The following LPP variants were observed in gnomAD, a reference collection of about 807,000 sequenced individuals.
LPP encodes lipoma-preferred partner.
LPP carries 38 observed loss-of-function variants against 60.4 expected under a neutral mutation model. That is an observed-to-expected ratio of 0.63 (90% CI 0.49 to 0.83). LPP has a LOEUF of 0.83. Among genes scored for constraint, LPP ranks in the 40% least tolerant of loss-of-function variants. The pLI is 0.00. For synonymous variants in LPP, 328 were observed against 290.8 expected (o/e 1.13, Z -1.30); for missense variants, 902 against 783.6 (o/e 1.15, Z -1.80).
chr3:188,841,389 A>ATTTGTT, intron 9 of LPP, among the ~76,000 whole-genome samples: 1 of 94,556 alleles, frequency 1.1e-5, no homozygotes, highest in East Asian at 8.4e-4. Flanking sequence ...CCCTTTCTGA[A>ATTTGTT]TTTGTTTTTT....
chr3:188,627,326 C>G (rs1847024836), intron 7 of LPP, among the ~76,000 whole-genome samples: 1 of 152,094 alleles, frequency 6.6e-6, no homozygotes, highest in African/African-American at 2.4e-5. Context: ...GGGCTAAATG[C>G]CCCACTTAAA....
intron 4 of LPP, among the ~76,000 whole-genome samples, chr3:188,459,327 A>G (rs1284669630): frequency 6.6e-6 from 1 of 152,158 alleles, no homozygotes; most frequent in Non-Finnish European, 1.5e-5. Flanking sequence ...GAACACGCCC[A>G]GAAAAACAGG....
chr3:188,795,780 G>A (rs1461280822), intron 9 of LPP, among the ~76,000 whole-genome samples: 1 of 151,994 alleles, frequency 6.6e-6, no homozygotes, highest in African/African-American at 2.4e-5. Context: ...GAATTTTGTG[G>A]TTATATATTA....
Position 188,860,457 on chromosome 3 carries a change from C to T in LPP, c.1411-5743C>T, listed in dbSNP as rs146255218. On this transcript the variant is annotated intron_variant, in intron 9 of 11. Transcript: ENST00000617246. ...AAAATGATGGCATTCATTCAGCACA[C>T]GGAGTAAGTGGATGAGATCTCTCCT... Among the ~76,000 whole-genome samples, 866 of 152,112 alleles carry T rather than the reference C, an allele frequency of 5.7e-3. 9 individuals carry two copies. Among genetic ancestry groups the T allele is most frequent in the Non-Finnish European group, 7.4e-3 (500 of 67,988 alleles).
At chr3:188,621,330 C>G (rs116490170) in intron 7 of LPP, among the ~76,000 whole-genome samples, 3 of 152,106 alleles carry the variant, frequency 2.0e-5, no homozygotes, top group South Asian at 2.1e-4. Flanking sequence ...CCTTCCTCCC[C>G]GTCTGGTAGT....
At chr3:188,309,022 C>CTTTTTTTTTTTTTTTTTTTTTT (rs777945680) in intron 2 of LPP, among the ~76,000 whole-genome samples, 1 of 119,720 alleles carries the variant, frequency 8.4e-6, no homozygotes, top group Non-Finnish European at 1.7e-5. Context: ...TCTTCTTCTT[C>CTTTTTTTTTTTTTTTTTTTTTT]TTTTTTTTTT....
rs549823621 is a variant in LPP at position 188,653,333 on chromosome 3, T to C, written c.1113+43489T>C. 2.0e-5 allele frequency among the ~76,000 whole-genome samples: 3 copies of C among 152,376 alleles called. 1 individual carries two copies. Among genetic ancestry groups the C allele is most frequent in the South Asian group, 2.1e-4 (1 of 4,834 alleles). On this transcript the variant is annotated intron_variant, in intron 7 of 11. Coordinates refer to ENST00000617246, the MANE Select transcript of LPP (RefSeq NM_001375462.1). ...TTTCTGGCTGTGTAAGTTTTTGTTA[T>C]TACTTTTCTTTTGTACTTGAACTTG... is the stretch of plus-strand genomic sequence containing the variant.
intron 5 of LPP, among the ~76,000 whole-genome samples, chr3:188,502,571 T>G (rs763140276): frequency 2.6e-4 from 39 of 152,310 alleles, no homozygotes; most frequent in Admixed American, 5.2e-4. Context: ...AACCCGTCTT[T>G]TGACCAGAGA....
At chr3:188,790,267 A>G (rs187599722) in intron 9 of LPP, among the ~76,000 whole-genome samples, 4 of 152,304 alleles carry the variant, frequency 2.6e-5, no homozygotes, top group East Asian at 1.9e-4. Flanking sequence ...AAGGTACAAA[A>G]TAGGACATAA....
intron 4 of LPP, among the ~76,000 whole-genome samples, chr3:188,408,146 C>T (rs1784103102): frequency 6.6e-6 from 1 of 152,054 alleles, no homozygotes; most frequent in African/African-American, 2.4e-5. Flanking sequence ...GTTATTTTGT[C>T]TCCTAACTTT....
chr3:188,610,977 T>C lies in LPP; in HGVS notation c.1113+1133T>C, dbSNP rs576990558. On this transcript the variant is annotated intron_variant, in intron 7 of 11. Transcript: ENST00000617246. This position sits in a 1 kb window ranked among gnomAD's most constrained non-coding sequence, Gnocchi z 4.4. ...TTTGGACTGTATTTTTAAAAATTCT[T>C]TCCACATTTTTACAAGATTGTCCAT... Among the ~76,000 whole-genome samples, 3 of 152,250 alleles carry C rather than the reference T, an allele frequency of 2.0e-5. No individual in the cohort carries two copies. The highest frequency in any genetic ancestry group is 2.0e-4 in the Admixed American group (3 of 15,280).
At chr3:188,475,368 ACGCTGGGT>A (rs1380962334) in intron 4 of LPP, among the ~76,000 whole-genome samples, 1 of 152,234 alleles carries the variant, frequency 6.6e-6, no homozygotes, top group Non-Finnish European at 1.5e-5. Context: ...TTAAAATTAA[ACGCTGGGT>A]TTGAGTAGAT....
chr3:188,199,445 G>C (rs553684520), intron 1 of LPP, among the ~76,000 whole-genome samples: 47 of 152,218 alleles, frequency 3.1e-4, no homozygotes, highest in African/African-American at 1.1e-3. Context: ...GGCCAAAAAG[G>C]AGGAACAGAC....
At chr3:188,324,496 C>T (rs918421521) in intron 2 of LPP, among the ~76,000 whole-genome samples, 9 of 152,276 alleles carry the variant, frequency 5.9e-5, no homozygotes, top group African/African-American at 2.2e-4. Flanking sequence ...TGTTCACCCC[C>T]GTGTTGTAGG....
At chr3:188,461,094 T>C (rs1192608212) in intron 4 of LPP, among the ~76,000 whole-genome samples, 2 of 152,056 alleles carry the variant, frequency 1.3e-5, no homozygotes, top group Non-Finnish European at 2.9e-5. Context: ...CAGAGGCAAA[T>C]TTTCATTCAG....
At chr3:188,810,028 C>G (rs984150687) in intron 9 of LPP, among the ~76,000 whole-genome samples, 9 of 152,052 alleles carry the variant, frequency 5.9e-5, no homozygotes, top group Middle Eastern at 3.2e-3. Context: ...CTGCTCTGTT[C>G]CATTGGTCTA....
At chr3:188,611,139 A>G (rs891796527) in intron 7 of LPP, among the ~76,000 whole-genome samples, 2 of 152,200 alleles carry the variant, frequency 1.3e-5, no homozygotes, top group Non-Finnish European at 2.9e-5. Context: ...CTATAGGGGA[A>G]TAGAGCTCTT....
intron 9 of LPP, among the ~76,000 whole-genome samples, chr3:188,819,389 A>G (rs1237933435): frequency 6.7e-6 from 1 of 149,438 alleles, no homozygotes; most frequent in African/African-American, 2.5e-5. Flanking sequence ...CGCTATAAAG[A>G]AAAAAAAAAC....
chr3:188,792,767 G>A (rs1744172243), intron 9 of LPP, among the ~76,000 whole-genome samples: 1 of 152,116 alleles, frequency 6.6e-6, no homozygotes, highest in South Asian at 2.1e-4. Flanking sequence ...TAAAATCAGA[G>A]TGAGTTCCCT....
Sources: allele counts gnomAD v4.1 joint callset (sites outside exome capture counted in the v4.1 genomes callset), GRCh38; gene constraint gnomAD v4.1.1; non-coding constraint Gnocchi (gnomAD v3.1); transcripts MANE v1.5; gene names NCBI Gene and HGNC (gene_info 2026-07-23, HGNC 2026-07-21).